Variants in RGMB observed in about 807,000 individuals in gnomAD.
RGMB encodes repulsive guidance molecule B.
A neutral mutation model predicts 26.9 loss-of-function variants in RGMB; 16 were observed. The observed-to-expected ratio is 0.60, with a 90% CI of 0.40 to 0.90. RGMB has a LOEUF of 0.90. Among genes scored for constraint, RGMB ranks in the 40% least tolerant of loss-of-function variants. The pLI is 0.00. For missense variants in RGMB, 512 were observed against 573.3 expected (o/e 0.89, Z 1.09); for synonymous variants, 225 against 229.3 (o/e 0.98, Z 0.17).
At chr5:98,769,273 A>G (rs2547971), upstream of RGMB, 135,743 of 149,036 alleles carry the variant, frequency 0.91, 61,867 homozygotes, top group East Asian at 0.98. Context: ...CCGGGGGGAG[A>G]GGAGGGTCTC....
At position 98,796,303 on chromosome 5, in the gene RGMB, CTT is replaced by C. The variant is rs1298480542; in HGVS notation, c.*2557_*2558del. The C allele has an allele frequency of 1.5e-5, 2 of 135,406 alleles. No homozygotes were observed. Among genetic ancestry groups the C allele is most frequent in the East Asian group, 2.0e-4 (1 of 4,960 alleles). The allele number at this position is 135,406 out of a possible 1,614,324, so 8.4% of individuals were successfully genotyped here. A position where few individuals can be genotyped will look rare whatever the true frequency, so the allele number is the denominator to read the frequency against. On this transcript the variant is annotated 3_prime_UTR_variant, in exon 3 of 3. Coordinates refer to ENST00000513185, the MANE Select transcript of RGMB (RefSeq NM_001366508.1). ...ATGGCTGTCTTTAAAAGACTCAAAACTTTTTTTTGTCCTCTTTGTTATGCTTG... is the reference window on the plus strand; with the variant it reads ...ATGGCTGTCTTTAAAAGACTCAAAACTTTTTTGTCCTCTTTGTTATGCTTG...
At chr5:98,791,524 A>G (rs1746929402) in intron 2 of RGMB, among the ~76,000 whole-genome samples, 1 of 152,070 alleles carries the variant, frequency 6.6e-6, no homozygotes, top group Non-Finnish European at 1.5e-5. Flanking sequence ...GGTCTTTTTC[A>G]CAAGGGTCTA....
At chr5:98,791,001 C>A (rs1195839933) in intron 2 of RGMB, among the ~76,000 whole-genome samples, 2 of 152,010 alleles carry the variant, frequency 1.3e-5, no homozygotes. Flanking sequence ...TAAAAAAAAA[C>A]ACTTGTCAAC....
At chr5:98,787,434 G>A (rs187818047) in intron 2 of RGMB, among the ~76,000 whole-genome samples, 1 of 152,214 alleles carries the variant, frequency 6.6e-6, no homozygotes, top group African/African-American at 2.4e-5. Flanking sequence ...AATGCCTGAA[G>A]GGAAGACCTG....
At chr5:98,776,218 T>G (rs1431804531) in intron 1 of RGMB, among the ~76,000 whole-genome samples, 1 of 152,222 alleles carries the variant, frequency 6.6e-6, no homozygotes, top group East Asian at 1.9e-4. Flanking sequence ...CACAAATGCT[T>G]TAGCATGTTC....
At position 98,774,061 on chromosome 5, in the gene RGMB, A is replaced by G. The variant is rs1746288565; in HGVS notation, c.-10A>G. The G allele has an allele frequency of 4.4e-6, 4 of 915,178 alleles. No homozygotes were observed. The highest frequency in any genetic ancestry group is 3.3e-6 in the Non-Finnish European group (2 of 599,612). The allele number at this position is 915,178 out of a possible 1,614,324, so 56.7% of individuals were successfully genotyped here. A position where few individuals can be genotyped will look rare whatever the true frequency, so the allele number is the denominator to read the frequency against. ...CCTCGCCGGAGCCCACGAGACCTGC[A>G]TGGACGGGCATGGGCTTGAGAGCAG... On this transcript the variant is annotated 5_prime_UTR_variant, in exon 1 of 3. It removes an upstream start codon present in the reference 5' UTR. Coordinates refer to ENST00000513185, the MANE Select transcript of RGMB (RefSeq NM_001366508.1).
chr5:98,793,816 T>A lies in RGMB; in HGVS notation c.*63T>A. On this transcript the variant is annotated 3_prime_UTR_variant, in exon 3 of 3. Transcript: ENST00000513185. ...TAACAAAATTTTAAAATATATATTG[T>A]CATAATATATTGAGTAAAAGAGTAT... 1 of 1,215,656 alleles carries A rather than the reference T, an allele frequency of 8.2e-7. No individual in the cohort carries two copies. Among genetic ancestry groups the A allele is most frequent in the Non-Finnish European group, 1.1e-6 (1 of 887,470 alleles). 75.3% of individuals were successfully genotyped at this position (1,215,656 alleles called of 1,614,324 possible).
At chr5:98,776,678 C>G (rs1385861412) in intron 1 of RGMB, among the ~76,000 whole-genome samples, 1 of 152,236 alleles carries the variant, frequency 6.6e-6, no homozygotes, top group Non-Finnish European at 1.5e-5. Context: ...CTCTTCGCTC[C>G]CATCATCTCT....
upstream of RGMB, chr5:98,770,760 T>A (rs1206151961): frequency 3.7e-6 from 3 of 802,254 alleles, no homozygotes; most frequent in African/African-American, 1.8e-5. Context: ...TTCCTTTCCT[T>A]ACTGTTCTAA....
intron 2 of RGMB, among the ~76,000 whole-genome samples, chr5:98,789,878 T>TCTGTGAG (rs776927950): frequency 6.6e-6 from 1 of 152,264 alleles, no homozygotes; most frequent in Non-Finnish European, 1.5e-5. Flanking sequence ...TTTTAAATTA[T>TCTGTGAG]CTGTGAGCTT....
chr5:98,791,491 G>C (rs528081446), intron 2 of RGMB, among the ~76,000 whole-genome samples: 3 of 152,130 alleles, frequency 2.0e-5, no homozygotes, highest in South Asian at 2.1e-4. Context: ...GTGGGCAGGC[G>C]GGGGGAGGGG....
chr5:98,772,709 T>C (rs1388218621), upstream of RGMB: 1 of 152,226 alleles, frequency 6.6e-6, no homozygotes, highest in Non-Finnish European at 1.5e-5. Flanking sequence ...AATTGTCTTT[T>C]TCCTCACTTT....
chr5:98,791,905 GA>G (rs1295396763), intron 2 of RGMB, among the ~76,000 whole-genome samples: 1 of 152,160 alleles, frequency 6.6e-6, no homozygotes, highest in Non-Finnish European at 1.5e-5. Context: ...GTTTACAAAA[GA>G]GAAGCTTTTG....
At chr5:98,788,630 G>T (rs1746833570) in intron 2 of RGMB, among the ~76,000 whole-genome samples, 1 of 152,150 alleles carries the variant, frequency 6.6e-6, no homozygotes, top group Non-Finnish European at 1.5e-5. Context: ...CACCCCGCGT[G>T]GACAGAGTAC....
At position 98,779,923 on chromosome 5, in the gene RGMB, C is replaced by T. The variant is rs757961680; in HGVS notation, c.480C>T (p.Tyr160=). The change falls in exon 2 of 3, where the codon TAC becomes TAT. Residue 160 remains tyrosine, a synonymous_variant. Coordinates refer to ENST00000513185, the MANE Select transcript of RGMB (RefSeq NM_001366508.1). ...GAGGGGACCAGAACCCTCCCAGTTA[C>T]CTTTTTTGTGGCTTGTTTGGAGATC... ...HRRGDQNPPS[Y]LFCGLFGDPH... 1 of 1,613,764 alleles carries T rather than the reference C, an allele frequency of 6.2e-7. No individual in the cohort carries two copies. The highest frequency in any genetic ancestry group is 8.5e-7 in the Non-Finnish European group (1 of 1,179,750).
chr5:98,783,128 A>G (rs527352002), intron 2 of RGMB, among the ~76,000 whole-genome samples: 9 of 152,110 alleles, frequency 5.9e-5, no homozygotes, highest in African/African-American at 1.9e-4. Context: ...TGCTTTCTCA[A>G]GGCCTCTGTG....
intron 2 of RGMB, among the ~76,000 whole-genome samples, chr5:98,790,960 C>A (rs1293771548): frequency 1.3e-5 from 2 of 152,110 alleles, no homozygotes; most frequent in Admixed American, 1.3e-4. Flanking sequence ...TTGAATCAAT[C>A]TTTTCATCTC....
rs997591179 is a variant in RGMB, at chr5:98,795,130, A to C, written c.*1377A>C. 2.0e-5 allele frequency: 3 copies of C among 152,232 alleles called. No homozygotes were observed. The highest frequency in any genetic ancestry group is 7.2e-5 in the African/African-American group (3 of 41,458). The allele number at this position is 152,232 out of a possible 1,614,324, so 9.4% of individuals were successfully genotyped here. On this transcript the variant is annotated 3_prime_UTR_variant, in exon 3 of 3. Transcript: ENST00000513185. ...CCATCCATTGTTGGCACCCCCTTGC[A>C]AAAGGAAAAGAACAGCAAAAGTCAG...
Position 98,793,356 on chromosome 5 carries a change from G to T in RGMB, c.917G>T (p.Ser306Ile). The change falls in exon 3 of 3, where the codon AGC becomes ATC. Residue 306 changes from serine to isoleucine, a missense_variant. Coordinates refer to ENST00000513185, the MANE Select transcript of RGMB (RefSeq NM_001366508.1). ...PEDLAMSYEESQDLQLCVNGC... is the reference protein window; with the variant it reads ...PEDLAMSYEEIQDLQLCVNGC... The stretch of plus-strand genomic sequence containing the variant: ...GACCTGGCCATGTCCTACGAGGAGA[G>T]CCAGGACCTGCAGCTGTGCGTGAAC... 2 of 1,613,758 alleles carry T rather than the reference G, an allele frequency of 1.2e-6. No individual in the cohort carries two copies. Among genetic ancestry groups the T allele is most frequent in the Non-Finnish European group, 8.5e-7 (1 of 1,179,802 alleles).
Sources: allele counts gnomAD v4.1 joint callset (sites outside exome capture counted in the v4.1 genomes callset), GRCh38; gene constraint gnomAD v4.1.1; transcripts MANE v1.5; gene names NCBI Gene and HGNC (gene_info 2026-07-23, HGNC 2026-07-21).